Variants in ARHGAP15 observed in about 807,000 individuals in gnomAD.
ARHGAP15 encodes the protein rho GTPase-activating protein 15.
Under a neutral mutation model 63.7 loss-of-function variants are expected in ARHGAP15, and 51 were observed. The observed-to-expected ratio is 0.80, with a 90% CI of 0.64 to 1.01. The LOEUF is 1.01. Among genes scored for constraint, ARHGAP15 ranks in the 50% least tolerant of loss-of-function variants. The pLI is 0.00. For synonymous variants in ARHGAP15, 191 were observed against 193.8 expected (o/e 0.99, Z 0.12); for missense variants, 560 against 564.6 (o/e 0.99, Z 0.08).
intron 10 of ARHGAP15, among the ~76,000 whole-genome samples, chr2:143,540,319 T>G (rs1159245228): frequency 6.6e-6 from 1 of 152,248 alleles, no homozygotes; most frequent in Non-Finnish European, 1.5e-5. Context: ...TGATGGGTCT[T>G]GACTCTTTAT....
intron 6 of ARHGAP15, among the ~76,000 whole-genome samples, chr2:143,352,079 G>A (rs987682968): frequency 1.3e-5 from 2 of 152,002 alleles, no homozygotes; most frequent in African/African-American, 2.4e-5. Context: ...CTCAACTTTC[G>A]AACAACATTA....
intron 6 of ARHGAP15, among the ~76,000 whole-genome samples, chr2:143,292,697 G>T (rs1226160537): frequency 2.0e-5 from 3 of 151,594 alleles, no homozygotes; most frequent in African/African-American, 7.3e-5. Flanking sequence ...TCTTATTTTA[G>T]TTCCAAAACT....
At chr2:143,247,706 C>T (rs745579764) in intron 5 of ARHGAP15, among the ~76,000 whole-genome samples, 1 of 152,064 alleles carries the variant, frequency 6.6e-6, no homozygotes, top group Non-Finnish European at 1.5e-5. Context: ...TCAGGGAGCC[C>T]AGCACAGTGG....
intron 12 of ARHGAP15, among the ~76,000 whole-genome samples, chr2:143,654,788 T>A (rs1046464947): frequency 1.3e-5 from 2 of 152,224 alleles, no homozygotes; most frequent in Admixed American, 6.5e-5. Context: ...TCCAGTAATG[T>A]TCTCTTGAAT....
At chr2:143,380,898 C>T (rs957671021) in intron 6 of ARHGAP15, among the ~76,000 whole-genome samples, 3 of 149,962 alleles carry the variant, frequency 2.0e-5, no homozygotes, top group Admixed American at 1.4e-4. Context: ...AATACAGGTG[C>T]GGCTCTGAAT....
intron 6 of ARHGAP15, among the ~76,000 whole-genome samples, chr2:143,384,875 A>G (rs1476407784): frequency 6.6e-6 from 1 of 152,188 alleles, no homozygotes; most frequent in East Asian, 1.9e-4. Context: ...GGGGGAGGAA[A>G]AAAGCTTCAG....
chr2:143,514,713 T>G, intron 9 of ARHGAP15, among the ~76,000 whole-genome samples: 1 of 152,206 alleles, frequency 6.6e-6, no homozygotes, highest in Non-Finnish European at 1.5e-5. Flanking sequence ...CCACTCTGCT[T>G]TAAGCTGCAG....
intron 6 of ARHGAP15, among the ~76,000 whole-genome samples, chr2:143,256,488 T>A (rs1340091911): frequency 6.6e-6 from 1 of 152,114 alleles, no homozygotes; most frequent in Non-Finnish European, 1.5e-5. Flanking sequence ...AATTAATCAA[T>A]GACATATTCA....
intron 5 of ARHGAP15, among the ~76,000 whole-genome samples, chr2:143,244,580 G>T (rs1259266878): frequency 1.3e-5 from 2 of 152,156 alleles, no homozygotes; most frequent in African/African-American, 2.4e-5. Flanking sequence ...AAACTGCCAC[G>T]GATGTAGCGT....
chr2:143,308,373 C>G (rs528319211), intron 6 of ARHGAP15, among the ~76,000 whole-genome samples: 1 of 152,144 alleles, frequency 6.6e-6, no homozygotes, highest in African/African-American at 2.4e-5. Flanking sequence ...TGAGGTCGCA[C>G]TAGCTCACTG....
intron 1 of ARHGAP15, among the ~76,000 whole-genome samples, chr2:143,152,113 T>C (rs1356305948): frequency 6.6e-6 from 1 of 151,952 alleles, no homozygotes; most frequent in Non-Finnish European, 1.5e-5. Context: ...CTGGTACTGG[T>C]TGGGTTAGAA....
intron 8 of ARHGAP15, among the ~76,000 whole-genome samples, chr2:143,459,580 C>T (rs1006948762): frequency 6.6e-6 from 1 of 152,006 alleles, no homozygotes; most frequent in Non-Finnish European, 1.5e-5. Context: ...CATACCTATG[C>T]TTTCTGTATA....
At chr2:143,443,716 G>C (rs1014833906) in intron 8 of ARHGAP15, among the ~76,000 whole-genome samples, 1 of 152,128 alleles carries the variant, frequency 6.6e-6, no homozygotes, top group Non-Finnish European at 1.5e-5. Context: ...AACATCATGA[G>C]AGGAAAAGAG....
intron 11 of ARHGAP15, among the ~76,000 whole-genome samples, chr2:143,569,741 G>A (rs142255000): frequency 3.6e-3 from 549 of 152,254 alleles, no homozygotes; most frequent in Admixed American, 6.7e-3. Context: ...TATTCCACTG[G>A]CTAAGAGAAG....
At chr2:143,254,471 A>T (rs775412635) in intron 6 of ARHGAP15, among the ~76,000 whole-genome samples, 6 of 152,082 alleles carry the variant, frequency 3.9e-5, no homozygotes, top group Non-Finnish European at 7.4e-5. Context: ...TTTTTCAGTT[A>T]GGTTTTGTCT....
chr2:143,224,521 T>C (rs1320728583), intron 4 of ARHGAP15, among the ~76,000 whole-genome samples: 1 of 152,156 alleles, frequency 6.6e-6, no homozygotes, highest in African/African-American at 2.4e-5. Context: ...GACTTCCTAG[T>C]GCAAAAACTG....
chr2:143,173,978 A>G (rs528534564), intron 2 of ARHGAP15, among the ~76,000 whole-genome samples: 1 of 151,958 alleles, frequency 6.6e-6, no homozygotes, highest in Non-Finnish European at 1.5e-5. Context: ...TCCCTCCCCA[A>G]TTTGCCCCTC....
intron 2 of ARHGAP15, among the ~76,000 whole-genome samples, chr2:143,158,697 C>A (rs1293330072): frequency 6.6e-6 from 1 of 151,874 alleles, no homozygotes. Flanking sequence ...AAAGAACAGT[C>A]TTTGGTCTCA....
chr2:143,509,613 G>C (rs966213478), intron 9 of ARHGAP15, among the ~76,000 whole-genome samples: 2 of 152,150 alleles, frequency 1.3e-5, no homozygotes, highest in African/African-American at 4.8e-5. Context: ...AAGTCACCCA[G>C]TTCTCCAAAC....
Sources: gnomAD v4.1 joint callset for allele counts (sites outside exome capture counted in the v4.1 genomes callset) on GRCh38, gnomAD v4.1.1 for gene constraint, MANE v1.5 for transcripts, NCBI Gene and HGNC (gene_info 2026-07-23, HGNC 2026-07-21) for gene names.